CADM2: variants seen among roughly 807,000 people sequenced by gnomAD.
The protein encoded by CADM2 is cell adhesion molecule 2.
In CADM2, 12 loss-of-function variants were observed where a neutral mutation model predicts 49.8. The ratio of observed to expected loss-of-function variants is 0.24; its 90% CI spans 0.15 to 0.39. CADM2 has a LOEUF of 0.39. CADM2 is among the 10% of genes least tolerant of loss of function. The pLI is 1.00. For synonymous variants in CADM2, 214 were observed against 175.4 expected (o/e 1.22, Z -1.74); for missense variants, 378 against 492.3 (o/e 0.77, Z 2.20).
intron 2 of CADM2, among the ~76,000 whole-genome samples, chr3:85,777,244 A>AATTATT (rs71112117): frequency 3.2e-4 from 48 of 148,756 alleles, no homozygotes; most frequent in Admixed American, 6.7e-4. Context: ...GTTTTTAAAA[A>AATTATT]ATTATTATTA....
At position 86,069,375 on chromosome 3, in the gene CADM2, T is replaced by C. The variant is rs1367939560; in HGVS notation, c.*2592T>C. The C allele has an allele frequency of 6.6e-6, 1 of 151,970 alleles. No individual in the cohort carries two copies. The highest frequency in any genetic ancestry group is 2.4e-5 in the African/African-American group (1 of 41,422). The allele number at this position is 151,970 out of a possible 1,614,324, so 9.4% of individuals were successfully genotyped here. A position where few individuals can be genotyped will look rare whatever the true frequency, so the allele number is the denominator to read the frequency against. On this transcript the variant is annotated 3_prime_UTR_variant, in exon 10 of 10. Transcript: ENST00000383699. ...AGTTATAAATGCTGGTATATTATAA[T>C]TTGTGGGATCTAATTAAATGTTTGC...
chr3:85,610,970 A>C (rs2063666157), intron 1 of CADM2, among the ~76,000 whole-genome samples: 1 of 151,926 alleles, frequency 6.6e-6, no homozygotes, highest in Admixed American at 6.6e-5. Flanking sequence ...ACATCAGTGG[A>C]GGACAGATTA....
chr3:85,300,894 T>C (rs2044081590), intron 1 of CADM2, among the ~76,000 whole-genome samples: 1 of 151,882 alleles, frequency 6.6e-6, no homozygotes, highest in Non-Finnish European at 1.5e-5. Flanking sequence ...GCTAAACAAA[T>C]ACATGTATAA....
At chr3:84,965,012 C>T (rs1025012365) in intron 1 of CADM2, among the ~76,000 whole-genome samples, 7 of 152,154 alleles carry the variant, frequency 4.6e-5, no homozygotes, top group African/African-American at 1.7e-4. Context: ...TCATTTTTAA[C>T]ATTTTTCCTA....
At chr3:85,229,217 C>A (rs72915062) in intron 1 of CADM2, among the ~76,000 whole-genome samples, 10,073 of 152,216 alleles carry the variant, frequency 0.066, 1,101 homozygotes, top group African/African-American at 0.23. Context: ...GCAAGGACTT[C>A]AAGCCAATGG....
At chr3:85,136,956 A>C (rs1284297117) in intron 1 of CADM2, among the ~76,000 whole-genome samples, 1 of 152,028 alleles carries the variant, frequency 6.6e-6, no homozygotes, top group Non-Finnish European at 1.5e-5. Flanking sequence ...AAAATATGCA[A>C]ATAAGATATT....
At chr3:85,362,495 A>G (rs1286662876) in intron 1 of CADM2, among the ~76,000 whole-genome samples, 1 of 152,232 alleles carries the variant, frequency 6.6e-6, no homozygotes, top group Non-Finnish European at 1.5e-5. Flanking sequence ...ACACATCTGT[A>G]GGTCATTTAG....
At chr3:85,048,722 G>T (rs530712232) in intron 1 of CADM2, among the ~76,000 whole-genome samples, 1 of 152,242 alleles carries the variant, frequency 6.6e-6, no homozygotes, top group Admixed American at 6.5e-5. Context: ...TCCCAAGATT[G>T]CAGGTAATAT....
intron 1 of CADM2, among the ~76,000 whole-genome samples, chr3:85,312,192 A>G (rs1295722100): frequency 6.6e-6 from 1 of 152,170 alleles, no homozygotes; most frequent in Non-Finnish European, 1.5e-5. Flanking sequence ...TAAAATACCA[A>G]TAGCTTATTG....
At chr3:85,496,940 C>A (rs995320558) in intron 1 of CADM2, among the ~76,000 whole-genome samples, 1 of 152,130 alleles carries the variant, frequency 6.6e-6, no homozygotes, top group Non-Finnish European at 1.5e-5. Flanking sequence ...AACGCCCGGG[C>A]TCAAGGGATT....
chr3:85,456,459 A>G (rs2037994054), intron 1 of CADM2, among the ~76,000 whole-genome samples: 1 of 152,142 alleles, frequency 6.6e-6, no homozygotes, highest in South Asian at 2.1e-4. Context: ...ATAATTAGAT[A>G]AGGGATATTG....
In CADM2 at chr3:85,568,350, C is replaced by G. The variant is rs1379964272; in HGVS notation, c.62-158172C>G. Among the ~76,000 whole-genome samples, 2 of 152,082 alleles carry G rather than the reference C, an allele frequency of 1.3e-5. 1 individual carries two copies. Among genetic ancestry groups the G allele is most frequent in the East Asian group, 3.9e-4 (2 of 5,178 alleles). Reference sequence around the variant, plus strand: ...GTAGAAGTAGGGAGAGAAGGCAGAGCCAGTAAAGAGTGGTAAGGATTGTTA... The same window carrying G: ...GTAGAAGTAGGGAGAGAAGGCAGAGGCAGTAAAGAGTGGTAAGGATTGTTA... On this transcript the variant is annotated intron_variant, in intron 1 of 9. Coordinates refer to ENST00000383699, the MANE Select transcript of CADM2 (RefSeq NM_001167675.2).
intron 1 of CADM2, among the ~76,000 whole-genome samples, chr3:84,961,922 CCT>C (rs1208546706): frequency 6.6e-6 from 1 of 152,072 alleles, no homozygotes; most frequent in Admixed American, 6.6e-5. Flanking sequence ...TTTGCTGGTG[CCT>C]CTCTCTCAGC....
intron 8 of CADM2, among the ~76,000 whole-genome samples, chr3:85,982,449 T>G (rs1348928574): frequency 1.3e-5 from 2 of 151,574 alleles, no homozygotes; most frequent in African/African-American, 4.8e-5. Context: ...TTTTAAAAAG[T>G]TTTTTTGTAA....
chr3:85,642,738 T>C (rs1291051882), intron 1 of CADM2, among the ~76,000 whole-genome samples: 1 of 152,200 alleles, frequency 6.6e-6, no homozygotes, highest in East Asian at 1.9e-4. Flanking sequence ...ATAGAAAAGA[T>C]GATTCATTAT....
At chr3:85,885,503 A>C (rs543026450) in intron 4 of CADM2, among the ~76,000 whole-genome samples, 97 of 151,422 alleles carry the variant, frequency 6.4e-4, no homozygotes, top group African/African-American at 2.3e-3. Flanking sequence ...AACCACCCCC[A>C]CCTCCCCGTA....
At chr3:85,131,840 G>T (rs1258672464) in intron 1 of CADM2, among the ~76,000 whole-genome samples, 4 of 151,374 alleles carry the variant, frequency 2.6e-5, no homozygotes, top group African/African-American at 9.7e-5. Flanking sequence ...ATTAAATTCT[G>T]CTAAATAACT....
At chr3:85,534,738 T>C (rs111625033) in intron 1 of CADM2, among the ~76,000 whole-genome samples, 6 of 152,310 alleles carry the variant, frequency 3.9e-5, no homozygotes, top group African/African-American at 1.4e-4. Flanking sequence ...TGACCTTTGT[T>C]TCCCATTCTT....
Position 86,066,791 on chromosome 3 carries a change from G to T in CADM2, c.*8G>T. 8 of 1,576,994 alleles carry T rather than the reference G, an allele frequency of 5.1e-6. No individual in the cohort carries two copies. Among genetic ancestry groups the T allele is most frequent in the Non-Finnish European group, 7.0e-6 (8 of 1,146,520 alleles). Reference sequence around the variant, plus strand: ...AAAGAGTATTTCATTTAAGATGCAGGCCAAGATTCTGAGTTTTACTACCAG... The same window carrying T: ...AAAGAGTATTTCATTTAAGATGCAGTCCAAGATTCTGAGTTTTACTACCAG... On this transcript the variant is annotated 3_prime_UTR_variant, in exon 10 of 10. Transcript: ENST00000383699.
Sources: allele counts gnomAD v4.1 joint callset (sites outside exome capture counted in the v4.1 genomes callset), GRCh38; gene constraint gnomAD v4.1.1; transcripts MANE v1.5; gene names NCBI Gene and HGNC (gene_info 2026-07-23, HGNC 2026-07-21).